The following ZNF790 variants were observed in gnomAD, a reference collection of about 807,000 sequenced individuals.
ZNF790 encodes zinc finger protein 790.
A neutral mutation model predicts 12.1 loss-of-function variants in ZNF790; 8 were observed. That is an observed-to-expected ratio of 0.66 (90% CI 0.39 to 1.19). ZNF790 has a LOEUF of 1.19. Ranked by LOEUF, ZNF790 falls within the 50% of genes most tolerant of loss-of-function variation. The pLI, the probability that ZNF790 is intolerant of heterozygous loss-of-function variation, is 0.01. For missense variants in ZNF790, 707 were observed against 752.2 expected, an observed-to-expected ratio of 0.94 and a Z score of 0.70; for synonymous variants, 252 against 244.3, an observed-to-expected ratio of 1.03 and a Z score of -0.29.
intron 1 of ZNF790, among the ~76,000 whole-genome samples, chr19:36,833,547 G>A (rs1286035668): frequency 6.6e-6 from 1 of 152,204 alleles, no homozygotes; most frequent in Admixed American, 6.5e-5. Context: ...TTTTCAAGGT[G>A]TCAGTTTCCC....
chr19:36,844,940 T>G (rs1282436110), intron 1 of ZNF790, among the ~76,000 whole-genome samples: 2 of 137,982 alleles, frequency 1.4e-5, no homozygotes, highest in Non-Finnish European at 3.1e-5. Context: ...CCCAGCTACT[T>G]GGGAGGCTGA....
At position 36,819,872 on chromosome 19, in the gene ZNF790, T is replaced by G; in HGVS notation, c.472A>C (p.Asn158His). The stretch of plus-strand genomic sequence containing the variant: ...CCTGTATTAAGTCTCTGGTGTAGAT[T>G]AAACACTGTATGCTGGTTAAAAGTG... ...RPTFNQHTVF[N>H]LHQRLNTGDK... Residue 158 changes from asparagine to histidine, a missense_variant, in exon 5 of 5, where the codon AAT becomes CAT. By Grantham distance (68) the Asn-to-His change is moderately conservative. Coordinates refer to ENST00000356725, the MANE Select transcript of ZNF790 (RefSeq NM_206894.4). The G allele has an allele frequency of 1.2e-6, 2 of 1,613,878 alleles. No homozygotes were observed. The highest frequency in any genetic ancestry group is 8.5e-7 in the Non-Finnish European group (1 of 1,179,914).
intron 1 of ZNF790, among the ~76,000 whole-genome samples, chr19:36,834,394 C>T (rs1037091340): frequency 2.0e-5 from 3 of 152,080 alleles, no homozygotes; most frequent in African/African-American, 7.2e-5. Context: ...AGTTTCCCAA[C>T]AGCTAGGCTA....
intron 1 of ZNF790, among the ~76,000 whole-genome samples, chr19:36,832,931 C>A (rs190510469): frequency 1.4e-5 from 2 of 148,044 alleles, no homozygotes; most frequent in Non-Finnish European, 3.0e-5. Context: ...TGCCTTGAGG[C>A]CAGGAGTTTG....
At chr19:36,823,567 T>C (rs2071724045) in intron 3 of ZNF790, 100 bp downstream of exon 3, 1 of 1,497,368 alleles carries the variant, frequency 6.7e-7, no homozygotes, top group Non-Finnish European at 9.1e-7. Context: ...AACCATTTTC[T>C]AAAAAACAAA....
intron 1 of ZNF790, among the ~76,000 whole-genome samples, chr19:36,831,036 G>A (rs2071935496): frequency 6.6e-6 from 1 of 152,088 alleles, no homozygotes; most frequent in African/African-American, 2.4e-5. Context: ...CTACTTGGGA[G>A]GCTGAGGCAG....
intron 1 of ZNF790, among the ~76,000 whole-genome samples, chr19:36,836,476 C>A (rs993778922): frequency 7.2e-5 from 11 of 151,738 alleles, no homozygotes; most frequent in African/African-American, 2.2e-4. Flanking sequence ...ACACACACAC[C>A]GGCTGGGCGC....
At position 36,846,563 on chromosome 19, in the gene ZNF790, CA is replaced by C. The variant is rs570774109; in HGVS notation, c.-74+3438del. Reference sequence around the variant, plus strand: ...TGGGCGACAGAGCGAGACTCCGTCTCAAAAAAAAAAAGAGCTCAATGAATAT... The same window carrying C: ...TGGGCGACAGAGCGAGACTCCGTCTCAAAAAAAAAAGAGCTCAATGAATAT... On this transcript the variant is annotated intron_variant, in intron 1 of 4. Transcript: ENST00000528994. Among the ~76,000 whole-genome samples the C allele has an allele frequency of 7.2e-4, 96 of 133,376 alleles. No homozygotes were observed. The South Asian group carries it at 0.012, about 17-fold the overall frequency. The allele number at this position is 133,376 out of a possible 152,430, so 87.5% of individuals were successfully genotyped here.
At chr19:36,824,172 AT>A (rs1407095674) in intron 2 of ZNF790, among the ~76,000 whole-genome samples, 3 of 150,534 alleles carry the variant, frequency 2.0e-5, no homozygotes, top group Non-Finnish European at 4.4e-5. Flanking sequence ...AATTTTTTGT[AT>A]TTTTTAGTAG....
intron 1 of ZNF790, among the ~76,000 whole-genome samples, chr19:36,827,311 C>G (rs890155987): frequency 1.3e-5 from 2 of 151,752 alleles, no homozygotes; most frequent in Non-Finnish European, 2.9e-5. Flanking sequence ...GCTCCACAGT[C>G]GGCCACCCAT....
intron 4 of ZNF790, among the ~76,000 whole-genome samples, chr19:36,822,682 A>T (rs1363340154): frequency 6.6e-6 from 1 of 152,124 alleles, no homozygotes. Flanking sequence ...CTGGGACTAC[A>T]GGTGTGTGTC....
rs760453936 is a variant in ZNF790, at chr19:36,827,117, T to TACACACACACACACACACAC, written c.-73-1445_-73-1426dup. Among the ~76,000 whole-genome samples the TACACACACACACACACACAC allele has an allele frequency of 1.9e-3, 114 of 60,732 alleles. 3 individuals are homozygous for TACACACACACACACACACAC. Among genetic ancestry groups the TACACACACACACACACACAC allele is most frequent in the Non-Finnish European group, 3.0e-3 (90 of 29,866 alleles). 39.8% of individuals were successfully genotyped at this position (60,732 alleles called of 152,430 possible). A position where few individuals can be genotyped will look rare whatever the true frequency, so the allele number is the denominator to read the frequency against. On this transcript the variant is annotated intron_variant, in intron 1 of 4. Transcript: ENST00000356725. ...GTGTGTGTGTGTATATATATACACATACACACACACACACACACACACACA... is the reference window on the plus strand; with the variant it reads ...GTGTGTGTGTGTATATATATACACATACACACACACACACACACACACACACACACACACACACACACACA...
upstream of ZNF790, among the ~76,000 whole-genome samples, chr19:36,840,873 CAAAT>C (rs557433089): frequency 1.5e-3 from 235 of 152,072 alleles, no homozygotes; most frequent in African/African-American, 5.0e-3. Flanking sequence ...CAACAACAAA[CAAAT>C]AGAGGTAGAC....
At chr19:36,824,668 G>A (rs1054090950) in intron 2 of ZNF790, among the ~76,000 whole-genome samples, 1 of 152,100 alleles carries the variant, frequency 6.6e-6, no homozygotes, top group Non-Finnish European at 1.5e-5. Context: ...CAGAATGGTA[G>A]CCCAGAACAG....
chr19:36,818,847 A>T lies in ZNF790; in HGVS notation c.1497T>A (p.Ile499=). The change falls in exon 5 of 5, where the codon ATT becomes ATA. Residue 499 remains isoleucine (I), a synonymous_variant. Coordinates refer to ENST00000356725, the MANE Select transcript of ZNF790 (RefSeq NM_206894.4). Reference sequence around the variant, plus strand: ...ATTCATATGGCCTCTTTCCAGTATGAATTTTCTGGTGTCGATTAAGTTCTG... The same window carrying T: ...ATTCATATGGCCTCTTTCCAGTATGTATTTTCTGGTGTCGATTAAGTTCTG... ...RGSELNRHQK[I]HTGKRPYECE... The T allele has an allele frequency of 6.2e-7, 1 of 1,613,670 alleles. No homozygotes were observed. Among genetic ancestry groups the T allele is most frequent in the South Asian group, 1.1e-5 (1 of 91,056 alleles).
chr19:36,824,256 C>G (rs1213665733), intron 2 of ZNF790, among the ~76,000 whole-genome samples: 2 of 151,980 alleles, frequency 1.3e-5, no homozygotes, highest in African/African-American at 4.8e-5. Flanking sequence ...CTCGGCCTCC[C>G]AAAGTGCTGG....
rs200484681 is a variant in ZNF790, at chr19:36,823,770, C to T, written c.30G>A (p.Val10=). MAHLMMFRD[V]AVDFSQEEWE... ...ACTCCTCCTGAGAGAAATCTACAGC[C>T]ACATCCCTGAACATCATCAACTGTT... Residue 10 remains valine (V), a synonymous_variant, in exon 3 of 5, where the codon GTG becomes GTA. Transcript: ENST00000356725. 1.2e-5 allele frequency: 20 copies of T among 1,611,944 alleles called. No homozygotes were observed. The highest frequency in any genetic ancestry group is 1.7e-5 in the Non-Finnish European group (20 of 1,179,482).
Position 36,818,288 on chromosome 19 carries a change from G to A in ZNF790, c.*145C>T, listed in dbSNP as rs2071586899. ...ATTGCATGATGAATTCTCTGCTGCTGCTGCTGCTGCTGCTGCTGGATGTGT... is the reference window on the plus strand; with the variant it reads ...ATTGCATGATGAATTCTCTGCTGCTACTGCTGCTGCTGCTGCTGGATGTGT... On this transcript the variant is annotated 3_prime_UTR_variant, in exon 5 of 5. Transcript: ENST00000356725. 6.1e-6 allele frequency: 4 copies of A among 653,164 alleles called. No homozygotes were observed. In the South Asian group the frequency reaches 1.2e-4, roughly 20 times the overall value. The allele number at this position is 653,164 out of a possible 1,614,324, so 40.5% of individuals were successfully genotyped here.
At chr19:36,840,134 TGTCTTGA>T (rs2072117522), upstream of ZNF790, among the ~76,000 whole-genome samples, 1 of 152,244 alleles carries the variant, frequency 6.6e-6, no homozygotes, top group Admixed American at 6.5e-5. Context: ...ACAAATTTTC[TGTCTTGA>T]TTAGTTGTTA....
Sources: gnomAD v4.1 joint callset for allele counts (sites outside exome capture counted in the v4.1 genomes callset) on GRCh38, gnomAD v4.1.1 for gene constraint, MANE v1.5 for transcripts, NCBI Gene and HGNC (gene_info 2026-07-23, HGNC 2026-07-21) for gene names.